Variants in DGKI observed in about 807,000 individuals in gnomAD.
The protein encoded by DGKI is DAG kinase iota.
Under a neutral mutation model 147.5 loss-of-function variants are expected in DGKI, and 55 were observed. The ratio of observed to expected loss-of-function variants is 0.37; its 90% confidence interval spans 0.30 to 0.47. The LOEUF is 0.47. DGKI is among the 20% of genes least tolerant of loss of function. The probability of loss-of-function intolerance (pLI) is 1.00; values close to 1 mark genes in which losing one functional copy is unlikely to be tolerated. For missense variants in DGKI, 1,007 were observed against 1,323.8 expected (o/e 0.76, Z 3.71); for synonymous variants, 469 against 477.1 (o/e 0.98, Z 0.22).
intron 1 of DGKI, among the ~76,000 whole-genome samples, chr7:137,695,059 T>C (rs987363253): frequency 2.6e-5 from 4 of 152,230 alleles, no homozygotes; most frequent in Admixed American, 6.5e-5. Flanking sequence ...AAAATCACTT[T>C]TGGTATTGAA....
intron 11 of DGKI, among the ~76,000 whole-genome samples, 158 bp downstream of exon 11, chr7:137,599,665 A>G (rs922792533): frequency 6.6e-6 from 1 of 152,242 alleles, no homozygotes; most frequent in Admixed American, 6.5e-5. Context: ...AAAGAGTAGG[A>G]GAGAACTTTG....
intron 1 of DGKI, among the ~76,000 whole-genome samples, chr7:137,818,983 A>G (rs1363768500): frequency 6.6e-6 from 1 of 152,214 alleles, no homozygotes; most frequent in Non-Finnish European, 1.5e-5. Flanking sequence ...AAGCTTCTAC[A>G]AAAAGCCCTC....
chr7:137,650,123 G>T (rs917668389), intron 5 of DGKI, among the ~76,000 whole-genome samples: 5 of 152,026 alleles, frequency 3.3e-5, no homozygotes, highest in Admixed American at 2.6e-4. Flanking sequence ...TATCAAATGG[G>T]TCATAGTCAG....
rs545505676 is a variant in DGKI at position 137,623,969 on chromosome 7, A to G, written c.805-415T>C. On this transcript the variant is annotated intron_variant, in intron 6 of 32. Coordinates refer to ENST00000614521, the MANE Select transcript of DGKI (RefSeq NM_001321708.2). ...ACAACTTTAGCATCCGAGAACCCAG[A>G]AAAAAAAAAAGAAATGAAATATCAG... Among the ~76,000 whole-genome samples, 5 of 143,282 alleles carry G rather than the reference A, an allele frequency of 3.5e-5. No homozygotes were observed. The South Asian group carries it at 1.1e-3, about 31-fold the overall frequency. The allele number at this position is 143,282 out of a possible 152,430, so 94.0% of individuals were successfully genotyped here. A position where few individuals can be genotyped will look rare whatever the true frequency, so the allele number is the denominator to read the frequency against.
At chr7:137,523,075 G>T (rs2128953246) in intron 20 of DGKI, among the ~76,000 whole-genome samples, 1 of 152,084 alleles carries the variant, frequency 6.6e-6, no homozygotes, top group Non-Finnish European at 1.5e-5. Context: ...AAAAGAAAGA[G>T]AAAGACGGAG....
At position 137,672,766 on chromosome 7, in the gene DGKI, C is replaced by CTTTTTTTTTTTTTT. The variant is rs60078498; in HGVS notation, c.606+5777_606+5790dup. ...TCTCTGTGTGTGTGTCTCTGTGTGT[C>CTTTTTTTTTTTTTT]TTTTTTTTTTTTTTTTTTTTTTTTT... On this transcript the variant is annotated intron_variant, in intron 3 of 32. Transcript: ENST00000614521. 1.5e-4 allele frequency among the ~76,000 whole-genome samples: 10 copies of CTTTTTTTTTTTTTT among 65,664 alleles called. 1 individual carries two copies. The highest frequency in any genetic ancestry group is 6.5e-4 in the African/African-American group (9 of 13,860). 43.1% of individuals were successfully genotyped at this position (65,664 alleles called of 152,430 possible).
In DGKI at chr7:137,802,131, G is replaced by A. The variant is rs530315606; in HGVS notation, c.401+44331C>T. ...GCTGGAGGCCATTATTCTATGTGAA[G>A]TAACTCAGGATTGGAAAACCAAATA... is the stretch of plus-strand genomic sequence containing the variant. On this transcript the variant is annotated intron_variant, in intron 1 of 32. Coordinates refer to ENST00000614521, the MANE Select transcript of DGKI (RefSeq NM_001321708.2). Among the ~76,000 whole-genome samples the A allele has an allele frequency of 2.6e-5, 4 of 152,292 alleles. No individual in the cohort carries two copies. In the East Asian group the frequency reaches 7.7e-4, roughly 29 times the overall value.
intron 28 of DGKI, among the ~76,000 whole-genome samples, chr7:137,430,627 A>T (rs1333288484): frequency 6.6e-6 from 1 of 152,126 alleles, no homozygotes; most frequent in Non-Finnish European, 1.5e-5. Context: ...ATACTTATAC[A>T]TCCAAATGTA....
chr7:137,599,953 C>T (rs777348928), intron 10 of DGKI, 48 bp from the exon 11 acceptor site: 1 of 1,426,816 alleles, frequency 7.0e-7, no homozygotes, highest in South Asian at 1.2e-5. Context: ...AGAAATTTCC[C>T]AAGAATAACT....
intron 1 of DGKI, among the ~76,000 whole-genome samples, chr7:137,777,770 T>G (rs991885802): frequency 6.6e-6 from 1 of 152,248 alleles, no homozygotes; most frequent in African/African-American, 2.4e-5. Flanking sequence ...CCTGGAAAGC[T>G]TTCCTCTGGA....
At chr7:137,561,327 C>T (rs1481036310) in intron 19 of DGKI, among the ~76,000 whole-genome samples, 1 of 152,044 alleles carries the variant, frequency 6.6e-6, no homozygotes, top group Non-Finnish European at 1.5e-5. Flanking sequence ...AGAACGTTAA[C>T]CACCACACAT....
intron 1 of DGKI, among the ~76,000 whole-genome samples, chr7:137,729,357 T>C (rs1297747682): frequency 6.6e-6 from 1 of 152,140 alleles, no homozygotes; most frequent in African/African-American, 2.4e-5. Context: ...CCATCCCAGA[T>C]GGCTCTAAGG....
intron 1 of DGKI, among the ~76,000 whole-genome samples, chr7:137,710,201 A>T (rs964863331): frequency 6.6e-6 from 1 of 152,108 alleles, no homozygotes; most frequent in Non-Finnish European, 1.5e-5. Context: ...GAAGATGTCA[A>T]TTCTCCCTGA....
chr7:137,492,010 G>T (rs1361875086), intron 21 of DGKI, among the ~76,000 whole-genome samples: 1 of 152,106 alleles, frequency 6.6e-6, no homozygotes, highest in Admixed American at 6.5e-5. Flanking sequence ...CATGAAGCAG[G>T]GCAAAGCCAG....
intron 19 of DGKI, among the ~76,000 whole-genome samples, chr7:137,564,285 A>G (rs1160692176): frequency 6.6e-6 from 1 of 152,158 alleles, no homozygotes; most frequent in Admixed American, 6.5e-5. Flanking sequence ...CAAGAAGAAA[A>G]TATAGGAGAA....
rs993439308 is a variant in DGKI at position 137,384,020 on chromosome 7, T to C, written c.*7200A>G. 1 of 152,064 alleles carries C rather than the reference T, an allele frequency of 6.6e-6. No individual in the cohort carries two copies. Among genetic ancestry groups the C allele is most frequent in the Admixed American group, 6.6e-5 (1 of 15,232 alleles). The allele number at this position is 152,064 out of a possible 1,614,324, so 9.4% of individuals were successfully genotyped here. A position where few individuals can be genotyped will look rare whatever the true frequency, so the allele number is the denominator to read the frequency against. ...TAGGTGTATTAAACCTCTATGTATA[T>C]GACTATGTATTATCATAACACTTAG... is the stretch of plus-strand genomic sequence containing the variant. On this transcript the variant is annotated 3_prime_UTR_variant, in exon 33 of 33. Transcript: ENST00000614521.
At chr7:137,400,856 T>G (rs1811727091) in intron 30 of DGKI, among the ~76,000 whole-genome samples, 1 of 152,180 alleles carries the variant, frequency 6.6e-6, no homozygotes, top group Non-Finnish European at 1.5e-5. Context: ...AATCACAAAA[T>G]AGCAGAATGT....
intron 5 of DGKI, among the ~76,000 whole-genome samples, chr7:137,648,414 C>T (rs1003047486): frequency 1.2e-4 from 18 of 152,354 alleles, no homozygotes; most frequent in African/African-American, 4.3e-4. Flanking sequence ...AATCTTAACA[C>T]TGACTTCATC....
chr7:137,730,591 C>T (rs559340922), intron 1 of DGKI, among the ~76,000 whole-genome samples: 36 of 152,134 alleles, frequency 2.4e-4, no homozygotes, highest in African/African-American at 8.2e-4. Context: ...ATTTTTGAAA[C>T]GTATTTTATG....
Sources: gnomAD v4.1 joint callset for allele counts (sites outside exome capture counted in the v4.1 genomes callset) on GRCh38, gnomAD v4.1.1 for gene constraint, MANE v1.5 for transcripts, NCBI Gene and HGNC (gene_info 2026-07-23, HGNC 2026-07-21) for gene names.